Variants in PKD1L1 observed in about 807,000 individuals in gnomAD.
PKD1L1 encodes the protein polycystin-1-like protein 1.
In PKD1L1, 236 loss-of-function variants were observed where a neutral mutation model predicts 323.4. That is an observed-to-expected ratio of 0.73 (90% CI 0.66 to 0.81). PKD1L1 has a LOEUF of 0.81. Among genes scored for constraint, PKD1L1 ranks in the 40% least tolerant of loss-of-function variants. The pLI, the probability that PKD1L1 is intolerant of heterozygous loss-of-function variation, is 0.00. For synonymous variants in PKD1L1, 1,344 were observed against 1,335.0 expected, an observed-to-expected ratio of 1.01 and a Z score of -0.15; for missense variants, 3,320 against 3,508.0, an observed-to-expected ratio of 0.95 and a Z score of 1.35.
At chr7:47,820,959 A>G in intron 46 of PKD1L1, 117 bp downstream of exon 46, 1 of 626,344 alleles carries the variant, frequency 1.6e-6, no homozygotes, top group Non-Finnish European at 2.8e-6. Context: ...CTACCAGGGA[A>G]ATGGTGACAA....
At chr7:47,864,662 T>TCCTTC (rs1228427169) in intron 26 of PKD1L1, among the ~76,000 whole-genome samples, 3 of 144,298 alleles carry the variant, frequency 2.1e-5, no homozygotes, top group East Asian at 4.1e-4. Flanking sequence ...CCTCCCTCTC[T>TCCTTC]CCTTCCCTTC....
In PKD1L1 at chr7:47,803,297, T is replaced by C; in HGVS notation, c.7875A>G (p.Lys2625=). The change falls in exon 53 of 57, where the codon AAA becomes AAG. Residue 2625 remains lysine (K), a synonymous_variant. Coordinates refer to ENST00000289672, the MANE Select transcript of PKD1L1 (RefSeq NM_138295.5). ...TTTGAATGCCAGGAAGATAGACGCATTTTAATGTGAAGAGGAATAAGAGGA... is the reference window on the plus strand; with the variant it reads ...TTTGAATGCCAGGAAGATAGACGCACTTTAATGTGAAGAGGAATAAGAGGA... ...RGILLFLFTL[K]CVYLPGIQNT... is the part of the protein sequence containing the mutation. 6.2e-7 allele frequency: 1 copy of C among 1,614,168 alleles called. No individual in the cohort carries two copies. Among genetic ancestry groups the C allele is most frequent in the Non-Finnish European group, 8.5e-7 (1 of 1,180,020 alleles).
chr7:47,930,540 G>A (rs959551862), intron 6 of PKD1L1, among the ~76,000 whole-genome samples: 11 of 85,634 alleles, frequency 1.3e-4, no homozygotes, highest in Non-Finnish European at 1.9e-4. Context: ...ACAGTCGGCC[G>A]GGTGCAGTGG....
chr7:47,794,105 G>A (rs1157172015), intron 55 of PKD1L1, among the ~76,000 whole-genome samples: 4 of 152,220 alleles, frequency 2.6e-5, no homozygotes, highest in East Asian at 3.8e-4. Context: ...TTTGCAGCCT[G>A]ACAATGCAGT....
At chr7:47,822,903 T>C (rs983732260) in intron 45 of PKD1L1, among the ~76,000 whole-genome samples, 1 of 152,224 alleles carries the variant, frequency 6.6e-6, no homozygotes, top group Non-Finnish European at 1.5e-5. Context: ...CTTTTTTATA[T>C]TGACTTGTGT....
chr7:47,872,151 G>GTT (rs1426420404), intron 24 of PKD1L1, among the ~76,000 whole-genome samples: 3 of 152,144 alleles, frequency 2.0e-5, no homozygotes, highest in Non-Finnish European at 2.9e-5. Flanking sequence ...GTTAGCTTTT[G>GTT]TTTTGTTTTG....
At chr7:47,831,391 AC>A in intron 41 of PKD1L1, 39 bp from the exon 42 acceptor site, 3 of 1,577,346 alleles carry the variant, frequency 1.9e-6, no homozygotes, top group Non-Finnish European at 2.6e-6. Context: ...AGCTTAAGAG[AC>A]CTCGGCATCT....
chr7:47,834,471 C>T, intron 39 of PKD1L1, 86 bp from the exon 40 acceptor site: 3 of 1,055,988 alleles, frequency 2.8e-6, no homozygotes, highest in Non-Finnish European at 4.3e-6. Context: ...AGCGGGGACA[C>T]TACTTTCTTC....
intron 8 of PKD1L1, 148 bp from the exon 9 acceptor site, chr7:47,908,398 A>G: frequency 1.3e-6 from 1 of 749,446 alleles, no homozygotes; most frequent in Non-Finnish European, 2.1e-6. Context: ...CAGCAGGGCC[A>G]TTTCATGGGC....
At chr7:47,796,541 G>A (rs1319764943) in intron 54 of PKD1L1, among the ~76,000 whole-genome samples, 3 of 152,194 alleles carry the variant, frequency 2.0e-5, no homozygotes, top group Non-Finnish European at 4.4e-5. Flanking sequence ...TGGGAGACCA[G>A]AAAGGGTCTT....
chr7:47,812,094 A>T (rs766286307), intron 49 of PKD1L1, 43 bp from the exon 50 acceptor site: 1 of 1,500,274 alleles, frequency 6.7e-7, no homozygotes, highest in Admixed American at 2.0e-5. Context: ...GCAGGGAGAA[A>T]GGCACAGAAG....
intron 24 of PKD1L1, among the ~76,000 whole-genome samples, chr7:47,871,850 C>T (rs77573966): frequency 0.021 from 3,240 of 152,204 alleles, 113 homozygotes; most frequent in African/African-American, 0.074. Context: ...AATGCTTCCT[C>T]CTTAAAACTG....
rs758018583 is a variant in PKD1L1, at chr7:47,897,961, A to T, written c.2271+27T>A. The T allele has an allele frequency of 7.0e-6, 11 of 1,562,414 alleles. No individual in the cohort carries two copies. In the Admixed American group the frequency reaches 2.0e-4, roughly 28 times the overall value. ...TGAGAAGCATGGGTTTCATTGGGCC[A>T]GTAGAGCAGTAAGTCAGCCAGCTGA... On this transcript the variant is annotated intron_variant, in intron 14 of 56. Coordinates refer to ENST00000289672, the MANE Select transcript of PKD1L1 (RefSeq NM_138295.5).
intron 1 of PKD1L1, 58 bp from the exon 2 acceptor site, chr7:47,943,569 G>GGATGTCTGTGATT: frequency 6.8e-6 from 9 of 1,314,204 alleles, no homozygotes; most frequent in Non-Finnish European, 8.7e-6. Context: ...TTTAATCACA[G>GGATGTCTGTGATT]ACATCCTGTG....
Position 47,866,543 on chromosome 7 carries a change from A to T in PKD1L1, c.3968T>A (p.Ile1323Asn). 1 of 1,613,790 alleles carries T rather than the reference A, an allele frequency of 6.2e-7. No individual in the cohort carries two copies. Among genetic ancestry groups the T allele is most frequent in the Non-Finnish European group, 8.5e-7 (1 of 1,179,826 alleles). The change falls in exon 25 of 57, where the codon ATC becomes AAC. Residue 1323 changes from isoleucine to asparagine, a missense_variant. By Grantham distance (149) the Ile-to-Asn change is moderately radical. Transcript: ENST00000289672. Reference sequence around the variant, plus strand: ...ACTCAGGATTCTGGTGATCACAGTGATGTAGTTCCTGATTTCTGTGTAACT... The same window carrying T: ...ACTCAGGATTCTGGTGATCACAGTGTTGTAGTTCCTGATTTCTGTGTAACT... ...MGSYTEIRNY[I>N]TVITRILSRL...
intron 5 of PKD1L1, 79 bp downstream of exon 5, chr7:47,931,857 G>T: frequency 6.7e-7 from 1 of 1,501,894 alleles, no homozygotes; most frequent in Non-Finnish European, 9.0e-7. Flanking sequence ...GCCTACATAC[G>T]GGTGAGTCTC....
intron 40 of PKD1L1, 37 bp downstream of exon 40, chr7:47,834,302 C>T: frequency 6.2e-7 from 1 of 1,600,916 alleles, no homozygotes; most frequent in Non-Finnish European, 8.6e-7. Context: ...GCATTTCATG[C>T]TAGAAGATTA....
chr7:47,928,285 G>A (rs572975199), intron 7 of PKD1L1, among the ~76,000 whole-genome samples: 5 of 152,310 alleles, frequency 3.3e-5, no homozygotes, highest in African/African-American at 1.2e-4. Flanking sequence ...AAAAGGCCGG[G>A]GGGGAAGGTG....
At chr7:47,948,881 T>G (rs1173303252), upstream of PKD1L1, among the ~76,000 whole-genome samples, 1 of 152,006 alleles carries the variant, frequency 6.6e-6, no homozygotes, top group African/African-American at 2.4e-5. Flanking sequence ...TGCTTGAACC[T>G]AGGAGGTGGA....
Sources: allele counts gnomAD v4.1 joint callset (sites outside exome capture counted in the v4.1 genomes callset), GRCh38; gene constraint gnomAD v4.1.1; transcripts MANE v1.5; gene names NCBI Gene and HGNC (gene_info 2026-07-23, HGNC 2026-07-21).